The following INTS10 variants were observed in gnomAD, a reference collection of about 807,000 sequenced individuals.
INTS10 encodes the protein chromosome 8 open reading frame 35.
Under a neutral mutation model 94.4 loss-of-function variants are expected in INTS10, and 44 were observed. That is an observed-to-expected ratio of 0.47 (90% CI 0.37 to 0.60). INTS10 has a LOEUF of 0.60. Ranked by LOEUF, INTS10 falls within the 20% of genes least tolerant of loss-of-function variation. The pLI is 0.00. For synonymous variants in INTS10, 341 were observed against 320.7 expected (o/e 1.06, Z -0.68); for missense variants, 797 against 868.7 (o/e 0.92, Z 1.04).
intron 12 of INTS10, among the ~76,000 whole-genome samples, chr8:19,835,602 G>T (rs1197624180): frequency 6.6e-6 from 1 of 152,204 alleles, no homozygotes; most frequent in Non-Finnish European, 1.5e-5. Context: ...AAGGATGGCA[G>T]CTCATAGCTC....
chr8:19,835,179 T>A (rs1438857168), intron 12 of INTS10, among the ~76,000 whole-genome samples: 1 of 152,198 alleles, frequency 6.6e-6, no homozygotes, highest in Non-Finnish European at 1.5e-5. Context: ...CTTTGCTATA[T>A]TACCTTGTAT....
At chr8:19,825,013 T>C (rs756833165) in intron 8 of INTS10, 41 bp downstream of exon 8, 5 of 1,525,072 alleles carry the variant, frequency 3.3e-6, no homozygotes, top group Non-Finnish European at 4.5e-6. Flanking sequence ...AGCCAGTTCA[T>C]ACTGTGGGGA....
Position 19,818,368 on chromosome 8 carries a change from T to A in INTS10, c.197+26T>A, listed in dbSNP as rs747591590. 15 of 1,607,922 alleles carry A rather than the reference T, an allele frequency of 9.3e-6. No homozygotes were observed. In the East Asian group the frequency reaches 3.4e-4, roughly 36 times the overall value. On this transcript the variant is annotated intron_variant, in intron 2 of 16. Coordinates refer to ENST00000397977, the MANE Select transcript of INTS10 (RefSeq NM_018142.4). ...GTGAGTGGGACGCTTGACATCACTT[T>A]TACTGCACTGAATCTCTCCATGAGG...
chr8:19,833,101 C>T (rs1175171918), intron 11 of INTS10, 68 bp from the exon 12 acceptor site: 26 of 1,372,854 alleles, frequency 1.9e-5, no homozygotes, highest in South Asian at 3.1e-5. Flanking sequence ...AACCCTGGAA[C>T]GGTATTTTTT....
intron 8 of INTS10, 133 bp downstream of exon 8, chr8:19,825,105 C>A: frequency 1.4e-6 from 1 of 721,600 alleles, no homozygotes; most frequent in Non-Finnish European, 2.3e-6. Flanking sequence ...TTATAGTTGG[C>A]GATTTAGTTT....
intron 7 of INTS10, chr8:19,824,433 G>C: frequency 5.3e-6 from 1 of 188,722 alleles, no homozygotes. Flanking sequence ...TGGAGGCTAC[G>C]ATGAGCCAAG....
At chr8:19,827,705 G>C (rs2066911523) in intron 9 of INTS10, among the ~76,000 whole-genome samples, 1 of 152,092 alleles carries the variant, frequency 6.6e-6, no homozygotes, top group Admixed American at 6.5e-5. Context: ...CATCTAGCAA[G>C]CCCTGTTCTC....
At position 19,842,710 on chromosome 8, in the gene INTS10, AAATAT is replaced by A; in HGVS notation, c.1640-134_1640-130del. ...CCATCACAAAGTATAATTGTGTTTCAAATATAATTGAAATTGTGTGACTGTTGCAT... is the reference window on the plus strand; with the variant it reads ...CCATCACAAAGTATAATTGTGTTTCAAATTGAAATTGTGTGACTGTTGCAT... On this transcript the variant is annotated intron_variant, in intron 13 of 16. Coordinates refer to ENST00000397977, the MANE Select transcript of INTS10 (RefSeq NM_018142.4). 6.9e-6 allele frequency: 4 copies of A among 579,376 alleles called. No individual in the cohort carries two copies. The South Asian group carries it at 7.4e-5, about 11-fold the overall frequency. The allele number at this position is 579,376 out of a possible 1,614,324, so 35.9% of individuals were successfully genotyped here. A position where few individuals can be genotyped will look rare whatever the true frequency, so the allele number is the denominator to read the frequency against.
intron 12 of INTS10, among the ~76,000 whole-genome samples, chr8:19,836,173 T>TA (rs2067646423): frequency 6.8e-6 from 1 of 146,146 alleles, no homozygotes; most frequent in Non-Finnish European, 1.5e-5. Flanking sequence ...AATAAATAAA[T>TA]AAAAAATTAC....
intron 11 of INTS10, among the ~76,000 whole-genome samples, chr8:19,832,730 G>C (rs188391801): frequency 1.7e-4 from 26 of 152,326 alleles, no homozygotes; most frequent in African/African-American, 2.4e-4. Context: ...CTGCCTGGCT[G>C]TACTGTTCTC....
chr8:19,845,440 T>C, intron 15 of INTS10: 1 of 387,450 alleles, frequency 2.6e-6, no homozygotes, highest in Non-Finnish European at 4.8e-6. Context: ...TGCCAAGAGT[T>C]ATCTGTGCGA....
chr8:19,824,930 G>T lies in INTS10; in HGVS notation c.964G>T (p.Ala322Ser). The part of the protein sequence containing the change: ...YSTMLVFFKN[A>S]FQYVNSIQPS... The stretch of plus-strand genomic sequence containing the variant: ...CACCATGCTGGTCTTCTTTAAGAAT[G>T]CATTCCAGTATGTCAACAGCATACA... Residue 322 changes from alanine (A) to serine (S), a missense_variant, in exon 8 of 17, where the codon GCA (alanine) becomes TCA (serine). By Grantham distance (99) the Ala-to-Ser change is moderately conservative. Transcript: ENST00000397977. 1 of 1,613,858 alleles carries T rather than the reference G, an allele frequency of 6.2e-7. No individual in the cohort carries two copies. The highest frequency in any genetic ancestry group is 8.5e-7 in the Non-Finnish European group (1 of 1,179,908).
chr8:19,844,576 C>T (rs1184390146), intron 15 of INTS10, among the ~76,000 whole-genome samples: 1 of 152,202 alleles, frequency 6.6e-6, no homozygotes, highest in Admixed American at 6.5e-5. Flanking sequence ...AATAGTTCCT[C>T]TTCTTCCATC....
chr8:19,828,170 C>A (rs1465300588), intron 9 of INTS10, among the ~76,000 whole-genome samples: 6 of 152,090 alleles, frequency 3.9e-5, no homozygotes, highest in African/African-American at 1.4e-4. Flanking sequence ...ATGACCACAC[C>A]ACCGCCCTCC....
At chr8:19,824,077 T>G in intron 7 of INTS10, 33 bp downstream of exon 7, 2 of 1,523,690 alleles carry the variant, frequency 1.3e-6, no homozygotes, top group Non-Finnish European at 1.8e-6. Context: ...AATTGCCTAT[T>G]GATTCTTTTG....
intron 11 of INTS10, 92 bp from the exon 12 acceptor site, chr8:19,833,077 C>A (rs569362013): frequency 2.7e-6 from 3 of 1,113,282 alleles, no homozygotes; most frequent in African/African-American, 1.6e-5. Flanking sequence ...TAGTTGCTTG[C>A]TCGTTGCTTC....
At chr8:19,826,726 C>T (rs1473673939) in intron 9 of INTS10, among the ~76,000 whole-genome samples, 167 bp downstream of exon 9, 1 of 152,044 alleles carries the variant, frequency 6.6e-6, no homozygotes, top group Non-Finnish European at 1.5e-5. Flanking sequence ...GGTGATTTGC[C>T]CTCAGGGGAC....
At chr8:19,842,392 C>T (rs1331379878) in intron 13 of INTS10, among the ~76,000 whole-genome samples, 1 of 152,170 alleles carries the variant, frequency 6.6e-6, no homozygotes, top group Non-Finnish European at 1.5e-5. Flanking sequence ...GTGTAACAGT[C>T]ATAGGAATGA....
chr8:19,836,544 A>G (rs531491963), intron 12 of INTS10, among the ~76,000 whole-genome samples: 2 of 152,212 alleles, frequency 1.3e-5, no homozygotes, highest in Non-Finnish European at 2.9e-5. Context: ...TCTTTTCTGC[A>G]TTCCAAATCC....
Sources: gnomAD v4.1 joint callset for allele counts (sites outside exome capture counted in the v4.1 genomes callset) on GRCh38, gnomAD v4.1.1 for gene constraint, MANE v1.5 for transcripts, NCBI Gene and HGNC (gene_info 2026-07-23, HGNC 2026-07-21) for gene names.